Variants in CSMD3 observed in about 807,000 individuals in gnomAD.
The protein encoded by CSMD3 is CUB and Sushi multiple domains 3.
CSMD3 carries 177 observed loss-of-function variants against 435.2 expected under a neutral mutation model. The ratio of observed to expected loss-of-function variants is 0.41; its 90% CI spans 0.36 to 0.46. The LOEUF (loss-of-function observed/expected upper bound fraction) is 0.46. Ranked by LOEUF, CSMD3 falls within the 20% of genes least tolerant of loss-of-function variation. CSMD3 has a pLI of 0.34. For synonymous variants in CSMD3, 1,656 were observed against 1,520.5 expected (o/e 1.09, Z -2.07); for missense variants, 4,265 against 4,504.6 (o/e 0.95, Z 1.52).
In CSMD3 at chr8:112,693,709, G is replaced by A. The variant is rs375345401; in HGVS notation, c.1973-3659C>T. Among the ~76,000 whole-genome samples, 40 of 151,538 alleles carry A rather than the reference G, an allele frequency of 2.6e-4. 1 individual carries two copies. In the South Asian group the frequency reaches 7.9e-3, roughly 30 times the overall value. On this transcript the variant is annotated intron_variant, in intron 13 of 70. Transcript: ENST00000297405. ...ACTTTTTTTTCAGTTCTAGGAAATT[G>A]TTACCATTATTTCCTTTAAAATGTT...
chr8:112,518,266 C>CT (rs1823887897), intron 27 of CSMD3, among the ~76,000 whole-genome samples: 1 of 151,748 alleles, frequency 6.6e-6, no homozygotes, highest in South Asian at 2.1e-4. Flanking sequence ...TTTGGGACAT[C>CT]AAGGCAAGAG....
intron 32 of CSMD3, among the ~76,000 whole-genome samples, chr8:112,421,512 C>G (rs1198580587): frequency 6.7e-6 from 1 of 149,924 alleles, no homozygotes; most frequent in Non-Finnish European, 1.5e-5. Context: ...CCACTGCACT[C>G]CAGCCTCGGT....
At chr8:112,254,573 C>T (rs981646061) in intron 62 of CSMD3, among the ~76,000 whole-genome samples, 1 of 152,042 alleles carries the variant, frequency 6.6e-6, no homozygotes, top group African/African-American at 2.4e-5. Context: ...TATAAAAGCA[C>T]TTGACATTCA....
intron 54 of CSMD3, 38 bp downstream of exon 54, chr8:112,295,795 A>G (rs1417860729): frequency 6.3e-7 from 1 of 1,582,184 alleles, no homozygotes; most frequent in Non-Finnish European, 8.7e-7. Flanking sequence ...TATTCCAAAG[A>G]TCAGAGGTCT....
chr8:113,414,651 C>CA (rs780988317), intron 1 of CSMD3, among the ~76,000 whole-genome samples: 3,604 of 85,042 alleles, frequency 0.042, 117 homozygotes, highest in African/African-American at 0.11. Flanking sequence ...TGCCCAAATA[C>CA]AAAAAAAAAA....
chr8:113,156,613 A>G (rs2091933740), intron 4 of CSMD3, among the ~76,000 whole-genome samples: 1 of 151,834 alleles, frequency 6.6e-6, no homozygotes, highest in Admixed American at 6.6e-5. Context: ...TGTTAGAGAG[A>G]GAATAGGCTA....
intron 3 of CSMD3, among the ~76,000 whole-genome samples, chr8:113,190,663 T>A (rs920976170): frequency 1.3e-5 from 2 of 149,926 alleles, no homozygotes; most frequent in Non-Finnish European, 3.0e-5. Context: ...TTCCTTATGG[T>A]GGAAAAGAAA....
chr8:112,426,926 T>C (rs906664458), intron 32 of CSMD3, among the ~76,000 whole-genome samples: 1 of 152,202 alleles, frequency 6.6e-6, no homozygotes, highest in Non-Finnish European at 1.5e-5. Context: ...TCATTTCAAA[T>C]ACCAGGTGTT....
chr8:112,969,413 A>C (rs2084557164), intron 7 of CSMD3, among the ~76,000 whole-genome samples: 1 of 151,972 alleles, frequency 6.6e-6, no homozygotes, highest in Non-Finnish European at 1.5e-5. Context: ...GTTTCTTTTA[A>C]GCTCTAGTGT....
chr8:112,509,716 C>A (rs918907569), intron 28 of CSMD3, among the ~76,000 whole-genome samples: 3 of 152,096 alleles, frequency 2.0e-5, no homozygotes, highest in African/African-American at 4.8e-5. Flanking sequence ...CTCCTTATAA[C>A]TTTGGTGATC....
At chr8:113,104,982 A>G (rs1312457473) in intron 4 of CSMD3, among the ~76,000 whole-genome samples, 1 of 152,142 alleles carries the variant, frequency 6.6e-6, no homozygotes, top group African/African-American at 2.4e-5. Flanking sequence ...AATGCACTGA[A>G]GAAAGTAATT....
chr8:112,870,136 G>A (rs1256542174), intron 10 of CSMD3, among the ~76,000 whole-genome samples: 1 of 151,630 alleles, frequency 6.6e-6, no homozygotes, highest in Admixed American at 6.6e-5. Context: ...GGTACATGCG[G>A]CAAACATTTA....
In CSMD3 at chr8:112,244,383, A is replaced by C. The variant is rs1814487814; in HGVS notation, c.10402+11T>G. 3 of 1,607,946 alleles carry C rather than the reference A, an allele frequency of 1.9e-6. No homozygotes were observed. The highest frequency in any genetic ancestry group is 1.7e-6 in the Non-Finnish European group (2 of 1,174,832). Reference sequence around the variant, plus strand: ...CTCTTGTGTTAAAAAGATTCTATAGAGAAAACTTACCTTCACAAATGGGAA... The same window carrying C: ...CTCTTGTGTTAAAAAGATTCTATAGCGAAAACTTACCTTCACAAATGGGAA... On this transcript the variant is annotated intron_variant, in intron 65 of 70. Transcript: ENST00000297405.
chr8:113,186,613 T>C (rs1334902978), intron 3 of CSMD3, among the ~76,000 whole-genome samples: 1 of 152,012 alleles, frequency 6.6e-6, no homozygotes, highest in Non-Finnish European at 1.5e-5. Context: ...CCTCCTTGCC[T>C]TCTCCAGGTA....
intron 27 of CSMD3, among the ~76,000 whole-genome samples, chr8:112,542,345 G>GA (rs200297769): frequency 0.022 from 1,800 of 83,368 alleles, 14 homozygotes; most frequent in Middle Eastern, 0.056. Context: ...CCTCCAAAAT[G>GA]AAAAAAAAAA....
chr8:112,785,678 T>C (rs1303403533), intron 13 of CSMD3, among the ~76,000 whole-genome samples: 1 of 152,004 alleles, frequency 6.6e-6, no homozygotes. Context: ...AGTAATCCCA[T>C]TTATGATAGC....
chr8:113,303,205 G>A (rs888780217), intron 2 of CSMD3, among the ~76,000 whole-genome samples: 1 of 141,722 alleles, frequency 7.1e-6, no homozygotes, highest in Admixed American at 7.3e-5. Flanking sequence ...AACTTACAAG[G>A]GATGTGAAGG....
At chr8:113,192,042 A>G (rs1200651621) in intron 3 of CSMD3, among the ~76,000 whole-genome samples, 1 of 151,800 alleles carries the variant, frequency 6.6e-6, no homozygotes, top group Admixed American at 6.6e-5. Flanking sequence ...CCACTTCTCT[A>G]TCTTCTTTTG....
intron 1 of CSMD3, among the ~76,000 whole-genome samples, chr8:113,322,601 A>G (rs780810137): frequency 2.6e-5 from 4 of 152,292 alleles, no homozygotes; most frequent in African/African-American, 9.6e-5. Flanking sequence ...TTACATATGT[A>G]TTTTAGAATC....
Sources: gnomAD v4.1 joint callset for allele counts (sites outside exome capture counted in the v4.1 genomes callset) on GRCh38, gnomAD v4.1.1 for gene constraint, MANE v1.5 for transcripts, NCBI Gene and HGNC (gene_info 2026-07-23, HGNC 2026-07-21) for gene names.